The following AOPEP variants were observed in gnomAD, a reference collection of about 807,000 sequenced individuals.
The protein encoded by AOPEP is aminopeptidase O.
Under a neutral mutation model 98.1 loss-of-function variants are expected in AOPEP, and 77 were observed. That is an observed-to-expected ratio of 0.78 (90% CI 0.65 to 0.95). The LOEUF is 0.95. Ranked by LOEUF, AOPEP falls within the 40% of genes least tolerant of loss-of-function variation. The probability of loss-of-function intolerance (pLI) is 0.00; values close to 1 mark genes in which losing one functional copy is unlikely to be tolerated. For synonymous variants in AOPEP, 346 were observed against 365.3 expected, an observed-to-expected ratio of 0.95 and a Z score of 0.60; for missense variants, 1,024 against 1,024.7, an observed-to-expected ratio of 1.00 and a Z score of 0.01.
chr9:94,793,498 G>A (rs1436895774), intron 4 of AOPEP, among the ~76,000 whole-genome samples: 3 of 152,016 alleles, frequency 2.0e-5, no homozygotes, highest in African/African-American at 4.8e-5. Context: ...CCAACATGGT[G>A]AAACCCCATC....
At chr9:94,837,839 G>C (rs1007842055) in intron 5 of AOPEP, among the ~76,000 whole-genome samples, 1 of 152,176 alleles carries the variant, frequency 6.6e-6, no homozygotes, top group Admixed American at 6.5e-5. Context: ...CTTTCTCTCT[G>C]AGAACTGAAA....
intron 5 of AOPEP, among the ~76,000 whole-genome samples, chr9:94,919,116 A>G (rs564364425): frequency 3.3e-5 from 5 of 152,176 alleles, no homozygotes; most frequent in East Asian, 1.9e-4. Flanking sequence ...GGGTTTCACT[A>G]TGTTGGCCAG....
intron 5 of AOPEP, among the ~76,000 whole-genome samples, chr9:94,888,197 T>C (rs2048447204): frequency 6.6e-6 from 1 of 152,112 alleles, no homozygotes; most frequent in Non-Finnish European, 1.5e-5. Context: ...TTTTATTCTC[T>C]TCTCCACAAA....
At chr9:94,827,458 G>A (rs1854889896) in intron 5 of AOPEP, among the ~76,000 whole-genome samples, 1 of 152,140 alleles carries the variant, frequency 6.6e-6, no homozygotes, top group South Asian at 2.1e-4. Context: ...GTTGTCTTGG[G>A]TGAGTGTATG....
At chr9:95,136,385 A>G in the AOPEP span, among the ~76,000 whole-genome samples, 1 of 152,154 alleles carries the variant, frequency 6.6e-6, no homozygotes, top group Non-Finnish European at 1.5e-5. Flanking sequence ...CCTGTCTCAA[A>G]AGAAAAAAAT....
the AOPEP span, among the ~76,000 whole-genome samples, chr9:95,142,194 C>T: frequency 3.3e-5 from 5 of 151,822 alleles, no homozygotes; most frequent in African/African-American, 1.2e-4. Flanking sequence ...GATTTTACCA[C>T]GTTGGCCAGG....
intron 5 of AOPEP, among the ~76,000 whole-genome samples, chr9:94,829,586 C>G (rs899485133): frequency 2.6e-5 from 4 of 152,196 alleles, no homozygotes; most frequent in African/African-American, 9.7e-5. Flanking sequence ...TTTCCCTCAG[C>G]AGCTGGCTGC....
chr9:94,867,988 C>A (rs1030534872), intron 5 of AOPEP, among the ~76,000 whole-genome samples: 1 of 152,168 alleles, frequency 6.6e-6, no homozygotes, highest in Non-Finnish European at 1.5e-5. Flanking sequence ...GTTTTCTCAA[C>A]CCATGCTCCC....
chr9:95,011,634 C>A (rs1589257011), intron 13 of AOPEP, among the ~76,000 whole-genome samples: 1 of 152,030 alleles, frequency 6.6e-6, no homozygotes, highest in East Asian at 1.9e-4. Context: ...CATAGAGAGA[C>A]CCCATCACTA....
intron 3 of AOPEP, among the ~76,000 whole-genome samples, chr9:94,784,418 C>G (rs1020747683): frequency 2.0e-5 from 3 of 152,112 alleles, no homozygotes; most frequent in African/African-American, 7.2e-5. Context: ...AAAAAGTTCT[C>G]TCTCCTCTCA....
In AOPEP at chr9:94,980,820, C is replaced by T. The variant is rs1056323730; in HGVS notation, c.1977+1393C>T. 1.3e-5 allele frequency among the ~76,000 whole-genome samples: 2 copies of T among 152,240 alleles called. No homozygotes were observed. Among genetic ancestry groups the T allele is most frequent in the Non-Finnish European group, 2.9e-5 (2 of 68,046 alleles). ...ACGGTGACTTCCAAACCAGACTACT[C>T]ACTGAGGACAAACATCCAGGAAAAA... On this transcript the variant is annotated intron_variant, in intron 11 of 16. Coordinates refer to ENST00000375315, the MANE Select transcript of AOPEP (RefSeq NM_001193329.3). This position sits in a 1 kb window ranked among gnomAD's most constrained non-coding sequence, Gnocchi z 4.3.
At chr9:94,751,286 A>T (rs555367106) in intron 1 of AOPEP, among the ~76,000 whole-genome samples, 1 of 152,242 alleles carries the variant, frequency 6.6e-6, no homozygotes, top group East Asian at 1.9e-4. Context: ...TATCAGTGGG[A>T]GGATTAGTCT....
chr9:95,082,823 C>T, intron 16 of AOPEP, 104 bp downstream of exon 16: 1 of 1,321,078 alleles, frequency 7.6e-7, no homozygotes, highest in Non-Finnish European at 1.1e-6. Context: ...CTACCCGCAG[C>T]ATCAATAGTC....
At chr9:94,996,408 T>C (rs1471776958) in intron 11 of AOPEP, among the ~76,000 whole-genome samples, 1 of 147,882 alleles carries the variant, frequency 6.8e-6, no homozygotes, top group Non-Finnish European at 1.5e-5. Context: ...GAGATTTTAC[T>C]TCTTCATCAA....
intron 5 of AOPEP, among the ~76,000 whole-genome samples, chr9:94,893,064 AT>A (rs1202347920): frequency 6.6e-6 from 1 of 152,188 alleles, no homozygotes; most frequent in African/African-American, 2.4e-5. Flanking sequence ...GAATGATTGC[AT>A]TTTTTAAGCC....
At chr9:94,769,476 G>A (rs749570917) in intron 2 of AOPEP, among the ~76,000 whole-genome samples, 3 of 152,174 alleles carry the variant, frequency 2.0e-5, no homozygotes, top group African/African-American at 4.8e-5. Context: ...CATTTTCAAG[G>A]TGTGCCTACC....
chr9:94,749,990 A>G (rs147807054), intron 1 of AOPEP, among the ~76,000 whole-genome samples: 5 of 152,346 alleles, frequency 3.3e-5, no homozygotes, highest in African/African-American at 1.2e-4. Flanking sequence ...CTTCTGAAGA[A>G]TATTGATGCT....
chr9:94,797,429 CAAA>C (rs536953016), intron 4 of AOPEP, among the ~76,000 whole-genome samples: 3 of 97,482 alleles, frequency 3.1e-5, no homozygotes, highest in Admixed American at 1.0e-4. Context: ...GACTCCGTCT[CAAA>C]AAAAAAAAAA....
chr9:94,932,088 T>A, intron 7 of AOPEP: 5 of 1,070,668 alleles, frequency 4.7e-6, no homozygotes, highest in Non-Finnish European at 5.6e-6. Context: ...CGGTTCCCTA[T>A]ACCATATTCC....
Sources: allele counts gnomAD v4.1 joint callset (sites outside exome capture counted in the v4.1 genomes callset), GRCh38; gene constraint gnomAD v4.1.1; non-coding constraint Gnocchi (gnomAD v3.1); transcripts MANE v1.5; gene names NCBI Gene and HGNC (gene_info 2026-07-23, HGNC 2026-07-21).